Variants in PSD3 observed in about 807,000 individuals in gnomAD.
The protein encoded by PSD3 is PH and SEC7 domain-containing protein 3.
A neutral mutation model predicts 105.5 loss-of-function variants in PSD3; 49 were observed. The observed-to-expected ratio is 0.46, with a 90% confidence interval of 0.37 to 0.59. The LOEUF (loss-of-function observed/expected upper bound fraction) is 0.59. Among genes scored for constraint, PSD3 ranks in the 20% least tolerant of loss-of-function variants. PSD3 has a pLI of 0.00. For missense variants in PSD3, 1,561 were observed against 1,263.8 expected (o/e 1.24, Z -3.57); for synonymous variants, 557 against 457.8 (o/e 1.22, Z -2.77).
At chr8:18,860,151 G>A (rs1338062830) in intron 4 of PSD3, among the ~76,000 whole-genome samples, 1 of 152,140 alleles carries the variant, frequency 6.6e-6, no homozygotes, top group Non-Finnish European at 1.5e-5. Context: ...CAATAGGGAG[G>A]CCCGAGAAGA....
chr8:19,055,499 C>T (rs990352321), intron 1 of PSD3, among the ~76,000 whole-genome samples: 3 of 152,192 alleles, frequency 2.0e-5, no homozygotes, highest in Non-Finnish European at 2.9e-5. Flanking sequence ...GTGATTCACC[C>T]GCCTCGGCCT....
intron 4 of PSD3, among the ~76,000 whole-genome samples, chr8:18,821,153 G>A (rs752622795): frequency 6.7e-5 from 10 of 149,456 alleles, no homozygotes; most frequent in Non-Finnish European, 1.2e-4. Context: ...TCTGCTTTGG[G>A]CAAAACAAGG....
intron 1 of PSD3, among the ~76,000 whole-genome samples, chr8:18,961,300 C>T (rs973493602): frequency 2.0e-5 from 3 of 152,144 alleles, no homozygotes; most frequent in African/African-American, 7.2e-5. Context: ...TCCACAGTTA[C>T]TAACACAATG....
chr8:18,801,230 T>C (rs1211753425), intron 7 of PSD3, 40 bp downstream of exon 7: 15 of 1,253,018 alleles, frequency 1.2e-5, no homozygotes, highest in East Asian at 4.7e-5. Flanking sequence ...AAAATAACCA[T>C]TGATATAAAA....
chr8:18,916,843 T>G (rs1367189999), intron 2 of PSD3, among the ~76,000 whole-genome samples: 1 of 152,052 alleles, frequency 6.6e-6, no homozygotes, highest in Non-Finnish European at 1.5e-5. Flanking sequence ...GCCATAAATC[T>G]ATATAATTTT....
At chr8:18,858,263 T>A (rs142463556) in intron 4 of PSD3, among the ~76,000 whole-genome samples, 4 of 152,330 alleles carry the variant, frequency 2.6e-5, no homozygotes, top group African/African-American at 9.6e-5. Context: ...CGGTATTTTG[T>A]CTAAAAACAA....
At chr8:18,807,566 G>T (rs1242639968) in intron 4 of PSD3, among the ~76,000 whole-genome samples, 1 of 152,054 alleles carries the variant, frequency 6.6e-6, no homozygotes, top group East Asian at 1.9e-4. Context: ...GCTATTAATG[G>T]TAATAGTTCA....
chr8:18,719,414 T>A (rs1338988940), intron 9 of PSD3, among the ~76,000 whole-genome samples: 1 of 152,186 alleles, frequency 6.6e-6, no homozygotes, highest in African/African-American at 2.4e-5. Context: ...TCAAGCCACA[T>A]ACACAACCCT....
intron 1 of PSD3, among the ~76,000 whole-genome samples, chr8:19,036,408 G>A (rs1414837222): frequency 1.3e-5 from 2 of 152,196 alleles, no homozygotes; most frequent in Non-Finnish European, 1.5e-5. Context: ...CCCGCCTCCT[G>A]TCATTGACCT....
At chr8:18,599,296 G>A (rs1216330676) in intron 12 of PSD3, among the ~76,000 whole-genome samples, 1 of 152,120 alleles carries the variant, frequency 6.6e-6, no homozygotes, top group Non-Finnish European at 1.5e-5. Context: ...ATGTACTGTT[G>A]TTCAGGTATA....
intron 15 of PSD3, among the ~76,000 whole-genome samples, chr8:18,548,589 T>C (rs987537831): frequency 6.6e-6 from 1 of 152,212 alleles, no homozygotes; most frequent in Non-Finnish European, 1.5e-5. Context: ...CTCTTGATCC[T>C]GCAAGGCTGA....
intron 9 of PSD3, among the ~76,000 whole-genome samples, chr8:18,744,665 C>G (rs1804837202): frequency 6.6e-6 from 1 of 152,130 alleles, no homozygotes; most frequent in East Asian, 1.9e-4. Context: ...AATCCTCCAC[C>G]CAGTCTTCCC....
At chr8:18,679,559 T>C (rs1029786444) in intron 9 of PSD3, among the ~76,000 whole-genome samples, 4 of 152,186 alleles carry the variant, frequency 2.6e-5, no homozygotes, top group Admixed American at 1.3e-4. Context: ...ACAGAGGAAA[T>C]AACCCCACCA....
At chr8:18,703,219 C>T (rs1801693075) in intron 9 of PSD3, among the ~76,000 whole-genome samples, 1 of 152,108 alleles carries the variant, frequency 6.6e-6, no homozygotes, top group African/African-American at 2.4e-5. Context: ...AATTAATAGT[C>T]TACAAAGGGG....
chr8:18,660,704 A>G (rs1226273878), intron 9 of PSD3, among the ~76,000 whole-genome samples: 4 of 152,210 alleles, frequency 2.6e-5, no homozygotes, highest in African/African-American at 9.7e-5. Flanking sequence ...ATATTTCTAA[A>G]TGCTCCACAT....
chr8:18,552,402 T>A (rs1800821318), intron 15 of PSD3, among the ~76,000 whole-genome samples: 1 of 152,206 alleles, frequency 6.6e-6, no homozygotes, highest in Non-Finnish European at 1.5e-5. Context: ...GTTGCTGTTG[T>A]TTTTAAAGCT....
At chr8:18,927,210 GT>G (rs1260508657) in intron 2 of PSD3, among the ~76,000 whole-genome samples, 1 of 152,008 alleles carries the variant, frequency 6.6e-6, no homozygotes, top group African/African-American at 2.4e-5. Flanking sequence ...GTCCTTTCGG[GT>G]TTTTTTGTTT....
chr8:18,790,633 A>C (rs1809628795), intron 8 of PSD3, among the ~76,000 whole-genome samples: 1 of 151,986 alleles, frequency 6.6e-6, no homozygotes. Flanking sequence ...TTCAACACCT[A>C]ATGGTTAGGT....
chr8:18,885,571 C>G (rs1292098977), intron 2 of PSD3, among the ~76,000 whole-genome samples: 1 of 152,158 alleles, frequency 6.6e-6, no homozygotes, highest in Non-Finnish European at 1.5e-5. Flanking sequence ...TCTATGAAGA[C>G]AGATGTTAGG....
Sources: allele counts gnomAD v4.1 joint callset (sites outside exome capture counted in the v4.1 genomes callset), GRCh38; gene constraint gnomAD v4.1.1; transcripts MANE v1.5; gene names NCBI Gene and HGNC (gene_info 2026-07-23, HGNC 2026-07-21).